The following FREM2 variants were observed in gnomAD, a reference collection of about 807,000 sequenced individuals.
The protein encoded by FREM2 is FRAS1-related extracellular matrix protein 2.
Under a neutral mutation model 219.9 loss-of-function variants are expected in FREM2, and 119 were observed. The ratio of observed to expected loss-of-function variants is 0.54; its 90% confidence interval spans 0.47 to 0.63. The LOEUF (loss-of-function observed/expected upper bound fraction) is 0.63. Ranked by LOEUF, FREM2 falls within the 30% of genes least tolerant of loss-of-function variation. The pLI, the probability that FREM2 is intolerant of heterozygous loss-of-function variation, is 0.00. For synonymous variants in FREM2, 1,562 were observed against 1,522.8 expected, an observed-to-expected ratio of 1.03 and a Z score of -0.60; for missense variants, 4,030 against 3,993.6, an observed-to-expected ratio of 1.01 and a Z score of -0.25.
In FREM2 at chr13:38,872,918, A is replaced by C. The variant is rs200528879; in HGVS notation, c.8160A>C (p.Pro2720=). 8.6e-5 allele frequency: 139 copies of C among 1,613,708 alleles called. No individual in the cohort carries two copies. The highest frequency in any genetic ancestry group is 1.1e-4 in the Non-Finnish European group (127 of 1,179,862). Residue 2720 remains proline, a synonymous_variant, in exon 17 of 24, where the codon CCA becomes CCC. Transcript: ENST00000280481. ...GGAATGATGGAATTGGCAGCCCCCC[A>C]GAGGCTGAACTTCAAGGTGAGTTCA... ...ILWNDGIGSP[P]EAELQGSLYP... is the part of the protein sequence containing the mutation.
chr13:38,762,312 C>G (rs1017770746), intron 2 of FREM2, among the ~76,000 whole-genome samples: 16 of 152,172 alleles, frequency 1.1e-4, no homozygotes, highest in Non-Finnish European at 2.2e-4. Context: ...CCCATGGCCT[C>G]TCCTCTCCAG....
intron 23 of FREM2, among the ~76,000 whole-genome samples, chr13:38,879,285 C>T (rs2137941649): frequency 6.6e-6 from 1 of 152,166 alleles, no homozygotes; most frequent in Middle Eastern, 3.4e-3. Context: ...TTATTTAGCC[C>T]AGAATATAAA....
chr13:38,876,058 A>G lies in FREM2; in HGVS notation c.8318A>G (p.His2773Arg). 1 of 1,614,062 alleles carries G rather than the reference A, an allele frequency of 6.2e-7. No individual in the cohort carries two copies. Among genetic ancestry groups the G allele is most frequent in the South Asian group, 1.1e-5 (1 of 91,078 alleles). The change falls in exon 19 of 24, where the codon CAT (histidine) becomes CGT (arginine). Residue 2773 changes from histidine to arginine, a missense_variant. Physicochemically the swap from His to Arg is conservative, Grantham distance 29 (BLOSUM62 0). Coordinates refer to ENST00000280481, the MANE Select transcript of FREM2 (RefSeq NM_207361.6). ...AGCTCAGTGATCATGTCAGCTGATC[A>G]TCCAGGCCTGACATTTTCCCTCCGC... The part of the protein sequence containing the change: ...FTSSVIMSAD[H>R]PGLTFSLRLI...
At chr13:38,830,027 C>T (rs960308745) in intron 6 of FREM2, among the ~76,000 whole-genome samples, 2 of 152,100 alleles carry the variant, frequency 1.3e-5, no homozygotes, top group Admixed American at 6.6e-5. Flanking sequence ...GGGATGCCCT[C>T]ATCTATAGTC....
At chr13:38,784,917 A>G in intron 6 of FREM2, 109 bp downstream of exon 6, 2 of 1,215,298 alleles carry the variant, frequency 1.6e-6, no homozygotes, top group Non-Finnish European at 2.3e-6. Context: ...ATACACATTT[A>G]TTTTATGTTT....
Position 38,690,952 on chromosome 13 carries a change from G to T in FREM2, c.3608G>T (p.Gly1203Val). ...ATGAGAGAATTTATGGTGATGGAAG[G>T]CATGAGTCTGGTAATTGATACACCC... is the stretch of plus-strand genomic sequence containing the variant. ...MFMREFMVME[G>V]MSLVIDTPIL... The change falls in exon 1 of 24, where the codon GGC becomes GTC. Residue 1203 changes from glycine (G) to valine (V), a missense_variant. Physicochemically the swap from Gly to Val is moderately radical, Grantham distance 109. Transcript: ENST00000280481. 6.2e-7 allele frequency: 1 copy of T among 1,614,154 alleles called. No individual in the cohort carries two copies. The highest frequency in any genetic ancestry group is 8.5e-7 in the Non-Finnish European group (1 of 1,180,024).
At chr13:38,801,878 G>C (rs138173892) in intron 6 of FREM2, among the ~76,000 whole-genome samples, 1,742 of 152,238 alleles carry the variant, frequency 0.011, 16 homozygotes, top group Non-Finnish European at 0.015. Context: ...AGGGTTCTTG[G>C]TTTTCTGGAC....
intron 6 of FREM2, among the ~76,000 whole-genome samples, chr13:38,813,505 TCTC>T (rs1875595132): frequency 1.6e-4 from 2 of 12,388 alleles, no homozygotes; most frequent in African/African-American, 2.3e-4. Flanking sequence ...TCTCTCTCTC[TCTC>T]TCTCTCTCTC....
chr13:38,826,622 T>A (rs1876298766), intron 6 of FREM2, among the ~76,000 whole-genome samples: 1 of 152,120 alleles, frequency 6.6e-6, no homozygotes, highest in Admixed American at 6.6e-5. Context: ...ATTGTTTGAG[T>A]GTCAATCACA....
intron 2 of FREM2, among the ~76,000 whole-genome samples, chr13:38,702,280 T>G (rs375992937): frequency 1.5e-3 from 227 of 152,284 alleles, no homozygotes; most frequent in African/African-American, 5.3e-3. Flanking sequence ...GCTCATATTA[T>G]TCTTAAACAA....
At chr13:38,872,377 G>A (rs577420223) in intron 16 of FREM2, among the ~76,000 whole-genome samples, 1 of 152,266 alleles carries the variant, frequency 6.6e-6, no homozygotes, top group African/African-American at 2.4e-5. Context: ...TGGTTGCACA[G>A]CTCCTTAAAT....
At chr13:38,816,530 T>A (rs1321001180) in intron 6 of FREM2, among the ~76,000 whole-genome samples, 2 of 152,162 alleles carry the variant, frequency 1.3e-5, no homozygotes, top group Non-Finnish European at 2.9e-5. Flanking sequence ...AAATTTACTA[T>A]CATGATTAAA....
At chr13:38,833,578 C>T (rs1876592563) in intron 6 of FREM2, among the ~76,000 whole-genome samples, 1 of 152,118 alleles carries the variant, frequency 6.6e-6, no homozygotes, top group East Asian at 1.9e-4. Context: ...TTACTGTTAT[C>T]TCAATTTTTA....
At position 38,690,248 on chromosome 13, in the gene FREM2, T is replaced by C. The variant is rs1214387377; in HGVS notation, c.2904T>C (p.Val968=). ...GGGCTACTGAAATCACTGCCAATGT[T>C]ATTAAGGGGACCAATGAGGAAACTG... ...ENGATEITAN[V]IKGTNEETDD... The change falls in exon 1 of 24, where the codon GTT becomes GTC. Residue 968 remains valine (V), a synonymous_variant. Coordinates refer to ENST00000280481, the MANE Select transcript of FREM2 (RefSeq NM_207361.6). The C allele has an allele frequency of 1.2e-6, 2 of 1,614,216 alleles. No individual in the cohort carries two copies. Among genetic ancestry groups the C allele is most frequent in the Non-Finnish European group, 1.7e-6 (2 of 1,180,036 alleles).
In FREM2 at chr13:38,845,854, C is replaced by T. The variant is rs191183210; in HGVS notation, c.6020-719C>T. On this transcript the variant is annotated intron_variant, in intron 6 of 23. Transcript: ENST00000280481. Reference sequence around the variant, plus strand: ...TTATCACCAGTATTGGAAAAAAATACGAAGACCCCAAAGCATGTGCCCTAG... The same window carrying T: ...TTATCACCAGTATTGGAAAAAAATATGAAGACCCCAAAGCATGTGCCCTAG... Among the ~76,000 whole-genome samples the T allele has an allele frequency of 3.0e-4, 46 of 152,150 alleles. 1 individual carries two copies. Among genetic ancestry groups the T allele is most frequent in the African/African-American group, 9.4e-4 (39 of 41,520 alleles).
chr13:38,846,261 T>G (rs1286397910), intron 6 of FREM2, among the ~76,000 whole-genome samples: 1 of 152,128 alleles, frequency 6.6e-6, no homozygotes, highest in East Asian at 1.9e-4. Flanking sequence ...TTTAGTTCTA[T>G]TTTTCCAACT....
chr13:38,734,339 A>C (rs1193856906), intron 2 of FREM2, among the ~76,000 whole-genome samples: 2 of 152,222 alleles, frequency 1.3e-5, no homozygotes, highest in African/African-American at 4.8e-5. Flanking sequence ...ATATGAGAAA[A>C]GAAAAGACCC....
chr13:38,707,844 C>G (rs2138090662), intron 2 of FREM2, among the ~76,000 whole-genome samples: 1 of 152,328 alleles, frequency 6.6e-6, no homozygotes, highest in African/African-American at 2.4e-5. Flanking sequence ...TGCATCACTG[C>G]TATAAAATTA....
In FREM2 at chr13:38,883,262, CATTA is replaced by C. The variant is rs1878611075; in HGVS notation, c.*2480_*2483del. On this transcript the variant is annotated 3_prime_UTR_variant, in exon 24 of 24. Transcript: ENST00000280481. ...TTTACTAAGTATGTAATTTAATATACATTAATTATTTTTTGAAACTCTTGTTAGT... is the reference window on the plus strand; with the variant it reads ...TTTACTAAGTATGTAATTTAATATACATTATTTTTTGAAACTCTTGTTAGT... 1 of 151,982 alleles carries C rather than the reference CATTA, an allele frequency of 6.6e-6. No individual in the cohort carries two copies. Among genetic ancestry groups the C allele is most frequent in the South Asian group, 2.1e-4 (1 of 4,808 alleles). The allele number at this position is 151,982 out of a possible 1,614,324, so 9.4% of individuals were successfully genotyped here. A position where few individuals can be genotyped will look rare whatever the true frequency, so the allele number is the denominator to read the frequency against.
Sources: allele counts gnomAD v4.1 joint callset (sites outside exome capture counted in the v4.1 genomes callset), GRCh38; gene constraint gnomAD v4.1.1; transcripts MANE v1.5; gene names NCBI Gene and HGNC (gene_info 2026-07-23, HGNC 2026-07-21).